The following NAGPA variants were observed in gnomAD, a reference collection of about 807,000 sequenced individuals.
NAGPA encodes alpha-N-acetylglucosaminyl phosphodiesterase.
NAGPA carries 56 observed loss-of-function variants against 48.5 expected under a neutral mutation model. The ratio of observed to expected loss-of-function variants is 1.15; its 90% CI spans 0.93 to 1.44. The LOEUF (loss-of-function observed/expected upper bound fraction) is 1.44, where lower values mean the gene tolerates loss of function less well. NAGPA is among the 40% of genes most tolerant of loss of function. The pLI, the probability that NAGPA is intolerant of heterozygous loss-of-function variation, is 0.00. For synonymous variants in NAGPA, 399 were observed against 315.5 expected, an observed-to-expected ratio of 1.26 and a Z score of -2.81; for missense variants, 888 against 735.0, an observed-to-expected ratio of 1.21 and a Z score of -2.41.
chr16:5,033,359 C>T lies in NAGPA; in HGVS notation c.456G>A (p.Val152=), dbSNP rs765210553. The part of the protein sequence containing the change: ...RMNSGECLGN[V]VSDERRVSSS... ...TGCTCACCCGCCGCTCGTCGCTCAC[C>T]ACGTTCCCCAGGCACTCGCCCGAGT... Residue 152 remains valine (V), a synonymous_variant, in exon 2 of 10, where the codon GTG becomes GTA. Coordinates refer to ENST00000312251, the MANE Select transcript of NAGPA (RefSeq NM_016256.4). This position sits in a 1 kb window ranked among gnomAD's most constrained non-coding sequence, Gnocchi z 4.2. 56 of 1,598,100 alleles carry T rather than the reference C, an allele frequency of 3.5e-5. No individual in the cohort carries two copies. Among genetic ancestry groups the T allele is most frequent in the Non-Finnish European group, 4.6e-5 (54 of 1,179,664 alleles).
Position 5,025,460 on chromosome 16 carries a change from C to G in NAGPA, c.*18G>C, listed in dbSNP as rs368259088. 49 of 1,611,112 alleles carry G rather than the reference C, an allele frequency of 3.0e-5. No homozygotes were observed. The highest frequency in any genetic ancestry group is 3.9e-5 in the Non-Finnish European group (46 of 1,179,546). The stretch of plus-strand genomic sequence containing the variant: ...GAAACAAGCTTTCGCGACGTGCCAC[C>G]CCGGGCAGCTTGAGGCTTCAGTCCT... On this transcript the variant is annotated 3_prime_UTR_variant, in exon 10 of 10. Transcript: ENST00000312251.
intron 3 of NAGPA, chr16:5,031,472 T>A: frequency 2.2e-6 from 1 of 459,498 alleles, no homozygotes; most frequent in Non-Finnish European, 4.0e-6. Context: ...TCTCTTCCTG[T>A]ACCCACAGCT....
chr16:5,032,998 T>C (rs1028358520), intron 2 of NAGPA: 36 of 557,144 alleles, frequency 6.5e-5, no homozygotes, highest in Admixed American at 5.9e-4. Context: ...TACCCGGCTT[T>C]TGTTGATTTT....
At chr16:5,032,855 A>G in intron 2 of NAGPA, 1 of 233,690 alleles carries the variant, frequency 4.3e-6, no homozygotes, top group Non-Finnish European at 8.4e-6. Context: ...TTCATCTTCA[A>G]GTTCCCACTC....
chr16:5,025,403 T>C lies in NAGPA; in HGVS notation c.*75A>G. The C allele has an allele frequency of 3.2e-6, 5 of 1,568,296 alleles. No individual in the cohort carries two copies. Among genetic ancestry groups the C allele is most frequent in the East Asian group, 2.2e-5 (1 of 44,492 alleles). ...CCCAGATGGTCCACGCCAGTGGCCT[T>C]GAAATTTCCCCTGCAGAAGCCAGAC... is the stretch of plus-strand genomic sequence containing the variant. On this transcript the variant is annotated 3_prime_UTR_variant, in exon 10 of 10. Transcript: ENST00000312251.
chr16:5,032,428 G>C (rs1156587758), intron 2 of NAGPA, among the ~76,000 whole-genome samples: 1 of 152,120 alleles, frequency 6.6e-6, no homozygotes, highest in Non-Finnish European at 1.5e-5. Context: ...GGCTGAGGTG[G>C]GTGGATCACT....
chr16:5,031,859 C>T lies in NAGPA; in HGVS notation c.568G>A (p.Asp190Asn). 9 of 1,614,122 alleles carry T rather than the reference C, an allele frequency of 5.6e-6. No homozygotes were observed. The highest frequency in any genetic ancestry group is 7.6e-6 in the Non-Finnish European group (9 of 1,179,996). ...TGYLSEEEVL[D>N]TENPFVQLLS... ...AGCTGCACAAATGGGTTCTCAGTGTCCAGCACCTCCTCCTCAGACAGGTAC... is the reference window on the plus strand; with the variant it reads ...AGCTGCACAAATGGGTTCTCAGTGTTCAGCACCTCCTCCTCAGACAGGTAC... Residue 190 changes from aspartate (D) to asparagine (N), a missense_variant, in exon 3 of 10, where the codon GAC becomes AAC. Transcript: ENST00000312251.
chr16:5,028,309 GTCTA>G (rs1956040686), intron 5 of NAGPA, 124 bp from the exon 6 acceptor site: 9 of 1,524,324 alleles, frequency 5.9e-6, no homozygotes, highest in Admixed American at 2.0e-5. Flanking sequence ...ACAAGATGGC[GTCTA>G]TCTATTTTTG....
chr16:5,026,907 T>G (rs1429607356), intron 9 of NAGPA, among the ~76,000 whole-genome samples: 4 of 152,184 alleles, frequency 2.6e-5, no homozygotes, highest in East Asian at 1.9e-4. Flanking sequence ...TAGCCCAGTT[T>G]GCATTCTGAG....
rs145106222 is a variant in NAGPA, at chr16:5,027,159, G to A, written c.1316C>T (p.Ala439Val). Residue 439 changes from alanine (A) to valine (V), a missense_variant, in exon 9 of 10, where the codon GCG (alanine) becomes GTG (valine). Physicochemically the swap from Ala to Val is moderately conservative, Grantham distance 64. Transcript: ENST00000312251. ...CLQPPEATLR[A>V]GELSFFTRTA... The stretch of plus-strand genomic sequence containing the variant: ...CCTGGTGAAAAAGGAGAGTTCTCCC[G>A]CCCTCAGGGTGGCTTCAGGTGGCTG... 375 of 1,614,224 alleles carry A rather than the reference G, an allele frequency of 2.3e-4. No homozygotes were observed. Among genetic ancestry groups the A allele is most frequent in the Non-Finnish European group, 3.0e-4 (356 of 1,180,040 alleles).
intron 2 of NAGPA, 78 bp from the exon 3 acceptor site, chr16:5,031,962 C>G (rs1333400397): frequency 2.5e-6 from 4 of 1,595,890 alleles, no homozygotes; most frequent in Non-Finnish European, 3.4e-6. Flanking sequence ...CCCTAGCCAT[C>G]CCAACCTGGC....
chr16:5,026,257 G>A (rs1955998745), intron 9 of NAGPA, among the ~76,000 whole-genome samples: 1 of 150,554 alleles, frequency 6.6e-6, no homozygotes, highest in African/African-American at 2.4e-5. Context: ...CATTAAAAAG[G>A]TTTTTAAGGC....
intron 5 of NAGPA, 197 bp from the exon 6 acceptor site, chr16:5,028,382 T>G (rs1316317378): frequency 9.4e-7 from 1 of 1,066,618 alleles, no homozygotes; most frequent in Admixed American, 2.0e-5. Flanking sequence ...CCGTAAGGTG[T>G]GCACCATCAC....
chr16:5,030,738 T>C, intron 3 of NAGPA: 1 of 563,272 alleles, frequency 1.8e-6, no homozygotes, highest in Non-Finnish European at 3.2e-6. Context: ...TTTCCCCTGT[T>C]CTTAGAACAA....
rs764548554 is a variant in NAGPA at position 5,025,646 on chromosome 16, G to A, written c.1380C>T (p.Leu460=). Residue 460 remains leucine (L), a synonymous_variant, in exon 10 of 10, where the codon CTC becomes CTT. Transcript: ENST00000312251. ...WLALTLALAF[L]LLISTAANLS... is the part of the protein sequence containing the mutation. ...GGTTTGCTGCAGTGCTGATCAGCAG[G>A]AGGAAGGCCAGCGCCAGGGTGAGGG... is the stretch of plus-strand genomic sequence containing the variant. 5.6e-6 allele frequency: 9 copies of A among 1,613,470 alleles called. No homozygotes were observed. Among genetic ancestry groups the A allele is most frequent in the South Asian group, 2.2e-5 (2 of 91,060 alleles).
At chr16:5,026,601 T>C (rs1262932839) in intron 9 of NAGPA, among the ~76,000 whole-genome samples, 1 of 152,172 alleles carries the variant, frequency 6.6e-6, no homozygotes, top group African/African-American at 2.4e-5. Flanking sequence ...TTTTAACTTT[T>C]TAAAAATTAT....
rs772021271 is a variant in NAGPA at position 5,033,565 on chromosome 16, G to A, written c.250C>T (p.His84Tyr). The change falls in exon 2 of 10, where the codon CAC (histidine) becomes TAC (tyrosine). Residue 84 changes from histidine (H) to tyrosine (Y), a missense_variant. By Grantham distance (83) the His-to-Tyr change is moderately conservative. Coordinates refer to ENST00000312251, the MANE Select transcript of NAGPA (RefSeq NM_016256.4). This position sits in a 1 kb window ranked among gnomAD's most constrained non-coding sequence, Gnocchi z 4.2. ...CCGGCCACCGCGCGGTCCCTGAAGTGCGACACGAAGGTGCGCACGGCCAGA... is the reference window on the plus strand; with the variant it reads ...CCGGCCACCGCGCGGTCCCTGAAGTACGACACGAAGGTGCGCACGGCCAGA... Reference protein sequence around the residue: ...GGLAVRTFVSHFRDRAVAGHL... With the variant: ...GGLAVRTFVSYFRDRAVAGHL... 6.6e-6 allele frequency: 10 copies of A among 1,504,408 alleles called. No homozygotes were observed. The South Asian group carries it at 9.9e-5, about 15-fold the overall frequency. 93.2% of individuals were successfully genotyped at this position (1,504,408 alleles called of 1,614,324 possible).
At chr16:5,028,683 G>A in intron 5 of NAGPA, 197 bp downstream of exon 5, 2 of 783,034 alleles carry the variant, frequency 2.6e-6, no homozygotes, top group South Asian at 1.5e-5. Context: ...GTCATCCTCA[G>A]GGAGGTCTTT....
chr16:5,030,071 G>C, intron 4 of NAGPA: 1 of 503,136 alleles, frequency 2.0e-6, no homozygotes, highest in Non-Finnish European at 3.6e-6. Flanking sequence ...GGCATAGGTG[G>C]GTAGACAAGT....
Sources: gnomAD v4.1 joint callset for allele counts (sites outside exome capture counted in the v4.1 genomes callset) on GRCh38, gnomAD v4.1.1 for gene constraint, Gnocchi (gnomAD v3.1) non-coding constraint, MANE v1.5 for transcripts, NCBI Gene and HGNC (gene_info 2026-07-23, HGNC 2026-07-21) for gene names.